The following CD163 variants were observed in gnomAD, a reference collection of about 807,000 sequenced individuals.
CD163 encodes scavenger receptor cysteine-rich type 1 protein M130.
Under a neutral mutation model 129.2 loss-of-function variants are expected in CD163, and 64 were observed. The ratio of observed to expected loss-of-function variants is 0.50; its 90% CI spans 0.41 to 0.61. The LOEUF is 0.61. Ranked by LOEUF, CD163 falls within the 20% of genes least tolerant of loss-of-function variation. The probability of loss-of-function intolerance (pLI) is 0.00; values close to 1 mark genes in which losing one functional copy is unlikely to be tolerated. For synonymous variants in CD163, 446 were observed against 478.5 expected (o/e 0.93, Z 0.89); for missense variants, 1,061 against 1,377.9 (o/e 0.77, Z 3.64).
In CD163 at chr12:7,487,087, A is replaced by G. The variant is rs1949261923; in HGVS notation, c.2051-101T>C. 1.0e-6 allele frequency: 1 copy of G among 957,394 alleles called. No individual in the cohort carries two copies. Among genetic ancestry groups the G allele is most frequent in the South Asian group, 1.6e-5 (1 of 62,634 alleles). The allele number at this position is 957,394 out of a possible 1,614,324, so 59.3% of individuals were successfully genotyped here. A position where few individuals can be genotyped will look rare whatever the true frequency, so the allele number is the denominator to read the frequency against. On this transcript the variant is annotated intron_variant, in intron 8 of 16. Coordinates refer to ENST00000432237, the MANE Select transcript of CD163 (RefSeq NM_203416.4). The surrounding 1 kb of genome is among the most constrained non-coding windows in gnomAD (Gnocchi z 5.1). ...TTGAGGACAAACATAGCTTAGAGAGAGAGGGGAAGGTGGATGGTCAACAAG... is the reference window on the plus strand; with the variant it reads ...TTGAGGACAAACATAGCTTAGAGAGGGAGGGGAAGGTGGATGGTCAACAAG...
chr12:7,476,508 T>C (rs987627379), intron 16 of CD163, among the ~76,000 whole-genome samples: 4 of 152,164 alleles, frequency 2.6e-5, no homozygotes, highest in African/African-American at 9.7e-5. Context: ...ATTCAATAAA[T>C]GGCGCTGGGA....
At chr12:7,495,549 A>C in intron 5 of CD163, 148 bp from the exon 6 acceptor site, 1 of 709,600 alleles carries the variant, frequency 1.4e-6, no homozygotes, top group Non-Finnish European at 2.3e-6. Context: ...AATAATATAG[A>C]CCATAAATTT....
At position 7,486,545 on chromosome 12, in the gene CD163, C is replaced by T. The variant is rs753596182; in HGVS notation, c.2412G>A (p.Gly804=). The T allele has an allele frequency of 1.9e-6, 3 of 1,614,186 alleles. No individual in the cohort carries two copies. The highest frequency in any genetic ancestry group is 3.3e-5 in the Admixed American group (2 of 60,026). ...CCTCCTTGTGCCTGCAATTTTGCTG[C>T]CCCCAGCCGTGTGAATGGCACTGCC... ...RIWQCHSHGW[G]QQNCRHKEDA... The change falls in exon 10 of 17, where the codon GGG becomes GGA. Residue 804 remains glycine (G), a synonymous_variant. Coordinates refer to ENST00000432237, the MANE Select transcript of CD163 (RefSeq NM_203416.4).
intron 3 of CD163, among the ~76,000 whole-genome samples, chr12:7,500,853 G>A (rs948644725): frequency 6.6e-6 from 1 of 152,100 alleles, no homozygotes; most frequent in African/African-American, 2.4e-5. Context: ...GTAGGTTACA[G>A]TAAGCTTACT....
chr12:7,489,821 T>G (rs771583159), intron 6 of CD163, among the ~76,000 whole-genome samples: 4 of 152,008 alleles, frequency 2.6e-5, no homozygotes, highest in Non-Finnish European at 5.9e-5. Context: ...AAACACTAAT[T>G]CTTTAGTACA....
At chr12:7,501,571 C>G (rs1949490553) in intron 2 of CD163, 109 bp from the exon 3 acceptor site, 1 of 751,134 alleles carries the variant, frequency 1.3e-6, no homozygotes, top group East Asian at 2.5e-5. Context: ...GAGAACCATC[C>G]TAGTCCTATC....
In CD163 at chr12:7,487,814, C is replaced by T. The variant is rs1318743377; in HGVS notation, c.1694G>A (p.Gly565Glu). Residue 565 changes from glycine (G) to glutamate (E), a missense_variant, in exon 7 of 17, where the codon GGA becomes GAA. Gly to Glu is a moderately conservative substitution (Grantham distance 98). Transcript: ENST00000432237. The surrounding 1 kb of genome is among the most constrained non-coding windows in gnomAD (Gnocchi z 5.1). ...SLCPVAPRPE[G>E]TCSHSRDVGV... The stretch of plus-strand genomic sequence containing the variant: ...AACATCCCTGCTGTGGCTACAAGTT[C>T]CTTCTGGGCGGGGTGCTACTGGGCA... 1.2e-6 allele frequency: 2 copies of T among 1,614,140 alleles called. No homozygotes were observed. Among genetic ancestry groups the T allele is most frequent in the South Asian group, 1.1e-5 (1 of 91,088 alleles).
At chr12:7,477,752 A>G (rs1949107018) in intron 16 of CD163, among the ~76,000 whole-genome samples, 1 of 152,154 alleles carries the variant, frequency 6.6e-6, no homozygotes, top group South Asian at 2.1e-4. Flanking sequence ...GAACTTAAAG[A>G]TTAAAAACAA....
chr12:7,492,573 C>T (rs1463491063), intron 6 of CD163, among the ~76,000 whole-genome samples: 1 of 152,018 alleles, frequency 6.6e-6, no homozygotes, highest in Non-Finnish European at 1.5e-5. Flanking sequence ...GGGCAAAGTA[C>T]AAGAAACAAA....
chr12:7,487,230 C>A lies in CD163; in HGVS notation c.2050+129G>T. The A allele has an allele frequency of 9.0e-7, 1 of 1,114,478 alleles. No homozygotes were observed. The allele number at this position is 1,114,478 out of a possible 1,614,324, so 69.0% of individuals were successfully genotyped here. ...TGAAAAGACAAATGAGGTTAATATT[C>A]TGAAGCATGAATTAGTATTCATTCT... On this transcript the variant is annotated intron_variant, in intron 8 of 16. Transcript: ENST00000432237. The surrounding 1 kb of genome is among the most constrained non-coding windows in gnomAD (Gnocchi z 5.1).
rs773285223 is a variant in CD163, at chr12:7,473,485, G to A, written c.*32-2088C>T. ...TATTCAGCCAAGCTAAGCTTCATGA[G>A]TGAAGGATAAATAAGATCCTTTACA... is the stretch of plus-strand genomic sequence containing the variant. On this transcript the variant is annotated intron_variant, in intron 16 of 16. Coordinates refer to ENST00000432237, the MANE Select transcript of CD163 (RefSeq NM_203416.4). 4.6e-5 allele frequency among the ~76,000 whole-genome samples: 7 copies of A among 152,266 alleles called. No individual in the cohort carries two copies. In the East Asian group the frequency reaches 1.4e-3, roughly 29 times the overall value.
chr12:7,484,080 T>A (rs1949212248), intron 11 of CD163, among the ~76,000 whole-genome samples: 2 of 151,268 alleles, frequency 1.3e-5, no homozygotes, highest in Admixed American at 1.3e-4. Flanking sequence ...GACCTCGTGA[T>A]CCGCCCACCT....
chr12:7,489,208 C>T (rs1378023576), intron 6 of CD163, among the ~76,000 whole-genome samples: 1 of 152,064 alleles, frequency 6.6e-6, no homozygotes, highest in East Asian at 1.9e-4. Flanking sequence ...TGTAGAAAAC[C>T]ACCATATCTG....
In CD163 at chr12:7,483,203, T is replaced by C. The variant is rs111463349; in HGVS notation, c.3088+164A>G. 5.0e-4 allele frequency: 396 copies of C among 790,752 alleles called. No homozygotes were observed. The African/African-American group carries it at 5.7e-3, about 11-fold the overall frequency. 49.0% of individuals were successfully genotyped at this position (790,752 alleles called of 1,614,324 possible). ...TGTCTCCTTGGTGAAGGCCGTTGTA[T>C]AACAATTGTTTTCATCATTCTTTCA... On this transcript the variant is annotated intron_variant, in intron 12 of 16. Coordinates refer to ENST00000432237, the MANE Select transcript of CD163 (RefSeq NM_203416.4).
chr12:7,472,213 C>T (rs771286374), intron 16 of CD163, among the ~76,000 whole-genome samples: 17 of 152,316 alleles, frequency 1.1e-4, no homozygotes, highest in South Asian at 8.3e-4. Context: ...GCACAGCGCT[C>T]GAGCTCTGCT....
intron 3 of CD163, 107 bp downstream of exon 3, chr12:7,501,032 A>T: frequency 1.1e-6 from 1 of 889,364 alleles, no homozygotes; most frequent in African/African-American, 1.7e-5. Context: ...TTTATACATG[A>T]ACTAGATTGC....
intron 10 of CD163, among the ~76,000 whole-genome samples, chr12:7,486,207 C>T (rs1455456831): frequency 1.3e-5 from 2 of 152,146 alleles, no homozygotes; most frequent in African/African-American, 2.4e-5. Context: ...GCTATTGGAT[C>T]GCTATCTAAT....
Position 7,497,117 on chromosome 12 carries a change from G to C in CD163, c.795C>G (p.Ser265Arg). The C allele has an allele frequency of 6.2e-7, 1 of 1,613,486 alleles. No individual in the cohort carries two copies. The highest frequency in any genetic ancestry group is 8.5e-7 in the Non-Finnish European group (1 of 1,179,796). Residue 265 changes from serine to arginine, a missense_variant, in exon 5 of 17, where the codon AGC (serine) becomes AGG (arginine). By Grantham distance (110) the Ser-to-Arg change is moderately radical (BLOSUM62 -1). Coordinates refer to ENST00000432237, the MANE Select transcript of CD163 (RefSeq NM_203416.4). ...CAGTGACTCCATCTACCAGTCTCAG[G>C]CTCAGATCTGCTCCCTCTGTAACAG... is the stretch of plus-strand genomic sequence containing the variant. ...GVICSKGADL[S>R]LRLVDGVTEC...
rs1300674226 is a variant in CD163 at position 7,485,417 on chromosome 12, C to G, written c.2459-1G>C. ...CTGGTCAGTCTCAGAGACATGAATT[C>G]TGCAGCGAAACATAGAATTAGTAGT... On this transcript the variant is annotated splice_acceptor_variant, in intron 10 of 16. Transcript: ENST00000432237. LOFTEE classifies it high-confidence loss of function. The surrounding 1 kb of genome is among the most constrained non-coding windows in gnomAD (Gnocchi z 4.5). The G allele has an allele frequency of 6.2e-7, 1 of 1,608,898 alleles. No individual in the cohort carries two copies.
Sources: gnomAD v4.1 joint callset for allele counts (sites outside exome capture counted in the v4.1 genomes callset) on GRCh38, gnomAD v4.1.1 for gene constraint, Gnocchi (gnomAD v3.1) non-coding constraint, MANE v1.5 for transcripts, NCBI Gene and HGNC (gene_info 2026-07-23, HGNC 2026-07-21) for gene names.